The following NFAM1 variants were observed in gnomAD, a reference collection of about 807,000 sequenced individuals.
NFAM1 encodes NFAT activating protein with ITAM motif 1.
NFAM1 carries 17 observed loss-of-function variants against 29.0 expected under a neutral mutation model. The observed-to-expected ratio is 0.59, with a 90% CI of 0.40 to 0.88. The LOEUF (loss-of-function observed/expected upper bound fraction) is 0.88, where lower values mean the gene tolerates loss of function less well. NFAM1 is among the 40% of genes least tolerant of loss of function. The probability of loss-of-function intolerance (pLI) is 0.00; values close to 1 mark genes in which losing one functional copy is unlikely to be tolerated. For missense variants in NFAM1, 324 were observed against 344.6 expected (o/e 0.94, Z 0.47); for synonymous variants, 175 against 147.2 (o/e 1.19, Z -1.36).
In NFAM1 at chr22:42,405,841, G is replaced by A. The variant is rs370748977; in HGVS notation, c.564+3594C>T. Among the ~76,000 whole-genome samples the A allele has an allele frequency of 1.5e-4, 23 of 152,332 alleles. No individual in the cohort carries two copies. In the East Asian group the frequency reaches 4.2e-3, roughly 28 times the overall value. On this transcript the variant is annotated intron_variant, in intron 3 of 5. Coordinates refer to ENST00000329021, the MANE Select transcript of NFAM1 (RefSeq NM_145912.8). ...GGTCAAAGTAGGACCATTCGCGCCA[G>A]TGTCAGACCCATGGGAAGGAGGGGA...
At chr22:42,413,111 C>T (rs1487902439) in intron 1 of NFAM1, among the ~76,000 whole-genome samples, 1 of 152,234 alleles carries the variant, frequency 6.6e-6, no homozygotes, top group Non-Finnish European at 1.5e-5. Context: ...CAGGCCCCTC[C>T]TTCTCCAGCA....
rs1324005234 is a variant in NFAM1 at position 42,409,401 on chromosome 22, A to G, written c.564+34T>C. 9 of 1,195,376 alleles carry G rather than the reference A, an allele frequency of 7.5e-6. No homozygotes were observed. The highest frequency in any genetic ancestry group is 2.1e-4 in the Middle Eastern group (1 of 4,872). The allele number at this position is 1,195,376 out of a possible 1,614,324, so 74.0% of individuals were successfully genotyped here. A position where few individuals can be genotyped will look rare whatever the true frequency, so the allele number is the denominator to read the frequency against. ...GGGCAGCCGGTGGCGTGTCGGGTGGAGGGGCTGCATGGCTGTGAGCACTGA... is the reference window on the plus strand; with the variant it reads ...GGGCAGCCGGTGGCGTGTCGGGTGGGGGGGCTGCATGGCTGTGAGCACTGA... On this transcript the variant is annotated intron_variant, in intron 3 of 5. Coordinates refer to ENST00000329021, the MANE Select transcript of NFAM1 (RefSeq NM_145912.8). This position sits in a 1 kb window ranked among gnomAD's most constrained non-coding sequence, Gnocchi z 4.9.
At chr22:42,413,396 C>T (rs1459361110) in intron 1 of NFAM1, among the ~76,000 whole-genome samples, 1 of 152,140 alleles carries the variant, frequency 6.6e-6, no homozygotes, top group Non-Finnish European at 1.5e-5. Context: ...GATGCGGGAA[C>T]AGAGATGGAG....
chr22:42,433,267 G>A (rs542453578), upstream of NFAM1, among the ~76,000 whole-genome samples: 59 of 152,332 alleles, frequency 3.9e-4, no homozygotes, highest in Middle Eastern at 3.4e-3. Flanking sequence ...TGGTGGAGCT[G>A]GAGGCACCTG....
At chr22:42,411,113 T>C (rs1930073051) in intron 2 of NFAM1, among the ~76,000 whole-genome samples, 1 of 144,932 alleles carries the variant, frequency 6.9e-6, no homozygotes. Context: ...CAACTTCCCA[T>C]CCTGGGTTCA....
upstream of NFAM1, among the ~76,000 whole-genome samples, chr22:42,435,587 T>C (rs1383035764): frequency 6.6e-6 from 1 of 152,036 alleles, no homozygotes; most frequent in Non-Finnish European, 1.5e-5. Context: ...CCTCAGGTGA[T>C]CCGCCCACCT....
chr22:42,405,489 C>T (rs1277288795), intron 3 of NFAM1, among the ~76,000 whole-genome samples: 1 of 152,180 alleles, frequency 6.6e-6, no homozygotes, highest in Non-Finnish European at 1.5e-5. Flanking sequence ...TACTTGCTAT[C>T]ATCATGGGAA....
intron 1 of NFAM1, among the ~76,000 whole-genome samples, chr22:42,431,977 C>T (rs577401113): frequency 2.6e-5 from 4 of 152,226 alleles, no homozygotes; most frequent in African/African-American, 9.6e-5. Context: ...GGCCAGGAGG[C>T]CAGACTGCTG....
upstream of NFAM1, among the ~76,000 whole-genome samples, chr22:42,434,556 C>T (rs567528324): frequency 3.3e-5 from 5 of 152,302 alleles, no homozygotes; most frequent in African/African-American, 7.2e-5. Flanking sequence ...GCCCTGGCTG[C>T]GCTGTCGGGG....
At chr22:42,429,484 T>C (rs1226429744) in intron 1 of NFAM1, among the ~76,000 whole-genome samples, 2 of 152,084 alleles carry the variant, frequency 1.3e-5, no homozygotes, top group Non-Finnish European at 2.9e-5. Flanking sequence ...GGCATGGTGG[T>C]GGGTGCCTGC....
intron 3 of NFAM1, among the ~76,000 whole-genome samples, chr22:42,402,817 T>A (rs1190351369): frequency 6.9e-6 from 1 of 145,118 alleles, no homozygotes; most frequent in East Asian, 2.1e-4. Flanking sequence ...CCCACACCGG[T>A]CCCTCTGTGC....
chr22:42,410,671 AAAGAG>A (rs1930053267), intron 2 of NFAM1, among the ~76,000 whole-genome samples: 1 of 152,068 alleles, frequency 6.6e-6, no homozygotes, highest in Admixed American at 6.6e-5. Flanking sequence ...AAAAAAAAAA[AAAGAG>A]AGAGCATGAT....
chr22:42,391,989 A>G lies in NFAM1; in HGVS notation c.664-4911T>C, dbSNP rs1465946230. On this transcript the variant is annotated intron_variant, in intron 4 of 5. Coordinates refer to ENST00000329021, the MANE Select transcript of NFAM1 (RefSeq NM_145912.8). ...AAAAAATCGGAGTTTGGTTTGAGAGAGATGTTGTTTAGACATTCAAGTGGG... is the reference window on the plus strand; with the variant it reads ...AAAAAATCGGAGTTTGGTTTGAGAGGGATGTTGTTTAGACATTCAAGTGGG... 2.0e-5 allele frequency among the ~76,000 whole-genome samples: 3 copies of G among 147,176 alleles called. No homozygotes were observed. The East Asian group carries it at 6.1e-4, about 30-fold the overall frequency.
At chr22:42,398,572 G>A (rs914685699) in intron 3 of NFAM1, among the ~76,000 whole-genome samples, 4 of 151,822 alleles carry the variant, frequency 2.6e-5, no homozygotes, top group Admixed American at 6.6e-5. Context: ...GTGCCACCAC[G>A]CCCGGCTAAT....
At chr22:42,415,183 A>AC (rs1930214617) in intron 1 of NFAM1, among the ~76,000 whole-genome samples, 2 of 151,124 alleles carry the variant, frequency 1.3e-5, no homozygotes, top group South Asian at 4.2e-4. Context: ...AGGCCAAAAA[A>AC]CCCGGGGGAG....
chr22:42,433,044 C>A (rs895411386), upstream of NFAM1, among the ~76,000 whole-genome samples: 1 of 152,210 alleles, frequency 6.6e-6, no homozygotes, highest in Non-Finnish European at 1.5e-5. Context: ...TTAGCTCACT[C>A]GGCCTCCCAA....
At chr22:42,418,670 G>A (rs1337161768) in intron 1 of NFAM1, among the ~76,000 whole-genome samples, 1 of 152,096 alleles carries the variant, frequency 6.6e-6, no homozygotes, top group Non-Finnish European at 1.5e-5. Context: ...TCCAGCCTGG[G>A]TGACAAGAGC....
At chr22:42,405,883 A>G (rs913695068) in intron 3 of NFAM1, among the ~76,000 whole-genome samples, 1 of 152,190 alleles carries the variant, frequency 6.6e-6, no homozygotes, top group East Asian at 1.9e-4. Context: ...ATCGTGGCTG[A>G]GGCCCTGACC....
intron 4 of NFAM1, among the ~76,000 whole-genome samples, chr22:42,389,801 T>C (rs1234303208): frequency 2.6e-5 from 4 of 152,174 alleles, no homozygotes; most frequent in African/African-American, 9.7e-5. Context: ...ATCATCCAAC[T>C]GGCAGAGGTG....
Sources: allele counts gnomAD v4.1 joint callset (sites outside exome capture counted in the v4.1 genomes callset), GRCh38; gene constraint gnomAD v4.1.1; non-coding constraint Gnocchi (gnomAD v3.1); transcripts MANE v1.5; gene names NCBI Gene and HGNC (gene_info 2026-07-23, HGNC 2026-07-21).